The following MYO3B variants were observed in gnomAD, a reference collection of about 807,000 sequenced individuals.
MYO3B encodes myosin-IIIb.
A neutral mutation model predicts 174.6 loss-of-function variants in MYO3B; 156 were observed. That is an observed-to-expected ratio of 0.89 (90% CI 0.78 to 1.02). The LOEUF is 1.02. MYO3B is among the 50% of genes least tolerant of loss of function. The probability of loss-of-function intolerance (pLI) is 0.00; values close to 1 mark genes in which losing one functional copy is unlikely to be tolerated. For missense variants in MYO3B, 1,632 were observed against 1,639.4 expected (o/e 1.00, Z 0.08); for synonymous variants, 563 against 569.1 (o/e 0.99, Z 0.15).
chr2:170,197,983 C>CT (rs1421381315), intron 1 of MYO3B, among the ~76,000 whole-genome samples: 2 of 152,108 alleles, frequency 1.3e-5, no homozygotes, highest in African/African-American at 4.8e-5. Flanking sequence ...ATGTTTAGTG[C>CT]TCACTGCAAC....
At chr2:170,650,994 C>T (rs1319450156) in intron 32 of MYO3B, among the ~76,000 whole-genome samples, 3 of 151,618 alleles carry the variant, frequency 2.0e-5, no homozygotes, top group Non-Finnish European at 4.4e-5. Context: ...TTCTTAATCT[C>T]CAGGGCACTC....
At chr2:170,475,342 C>G (rs1387324721) in intron 25 of MYO3B, among the ~76,000 whole-genome samples, 1 of 152,180 alleles carries the variant, frequency 6.6e-6, no homozygotes, top group Non-Finnish European at 1.5e-5. Context: ...CTTTGAACTC[C>G]TGAGCTCAAG....
At chr2:170,459,191 C>G (rs77106683) in intron 23 of MYO3B, among the ~76,000 whole-genome samples, 1 of 152,186 alleles carries the variant, frequency 6.6e-6, no homozygotes, top group Non-Finnish European at 1.5e-5. Flanking sequence ...AAAGGGACCC[C>G]AGCGGGTTGC....
intron 25 of MYO3B, among the ~76,000 whole-genome samples, chr2:170,473,598 G>A (rs1685120936): frequency 6.6e-6 from 1 of 152,046 alleles, no homozygotes; most frequent in South Asian, 2.1e-4. Context: ...TAAGATTTCA[G>A]GTAAGTCATA....
intron 22 of MYO3B, among the ~76,000 whole-genome samples, chr2:170,422,227 G>A (rs949740944): frequency 2.6e-5 from 4 of 152,108 alleles, no homozygotes; most frequent in Admixed American, 6.5e-5. Flanking sequence ...TAAGGAAATG[G>A]GGTCTCACTC....
At position 170,637,651 on chromosome 2, in the gene MYO3B, G is replaced by A. The variant is rs375551778; in HGVS notation, c.3734-13977G>A. Among the ~76,000 whole-genome samples, 4 of 152,164 alleles carry A rather than the reference G, an allele frequency of 2.6e-5. No homozygotes were observed. In the South Asian group the frequency reaches 8.3e-4, roughly 32 times the overall value. On this transcript the variant is annotated intron_variant, in intron 32 of 34. Transcript: ENST00000408978. ...AACGGATTTTTACTAATCTCATATT[G>A]GATTGTAAAACAAGGCAAAGAAATT...
intron 32 of MYO3B, among the ~76,000 whole-genome samples, chr2:170,624,601 T>C (rs1188387998): frequency 6.6e-6 from 1 of 152,178 alleles, no homozygotes; most frequent in Admixed American, 6.5e-5. Context: ...TCCAACACTA[T>C]GTTGGATAGG....
chr2:170,613,526 T>G (rs2105300759), intron 32 of MYO3B, among the ~76,000 whole-genome samples: 1 of 152,346 alleles, frequency 6.6e-6, no homozygotes, highest in East Asian at 1.9e-4. Flanking sequence ...TCTCTAGTCC[T>G]AGCTGGGCCT....
At chr2:170,504,069 T>C (rs1228128824) in intron 28 of MYO3B, among the ~76,000 whole-genome samples, 1 of 152,172 alleles carries the variant, frequency 6.6e-6, no homozygotes, top group Non-Finnish European at 1.5e-5. Context: ...CCAAACATAA[T>C]CTCATTACAA....
intron 25 of MYO3B, among the ~76,000 whole-genome samples, chr2:170,471,141 C>T (rs191457889): frequency 1.4e-3 from 220 of 152,150 alleles, no homozygotes; most frequent in Non-Finnish European, 2.3e-3. Flanking sequence ...AACTCCGCCT[C>T]CCGGGTTCAA....
At chr2:170,403,129 C>T in intron 19 of MYO3B, 134 bp downstream of exon 19, 1 of 749,306 alleles carries the variant, frequency 1.3e-6, no homozygotes, top group East Asian at 2.9e-5. Context: ...GCAGTCCTGG[C>T]TAAATAGTCT....
intron 6 of MYO3B, among the ~76,000 whole-genome samples, chr2:170,233,326 G>T (rs942975397): frequency 3.9e-5 from 6 of 152,184 alleles, no homozygotes; most frequent in Non-Finnish European, 7.3e-5. Flanking sequence ...ATTGGGGAAG[G>T]ACAGAGTCTT....
intron 25 of MYO3B, among the ~76,000 whole-genome samples, chr2:170,480,820 T>G (rs1685644249): frequency 6.6e-6 from 1 of 152,228 alleles, no homozygotes; most frequent in Admixed American, 6.5e-5. Context: ...TTGATGATTG[T>G]TGTAGTGGTG....
At chr2:170,503,550 C>A (rs1000665258) in intron 28 of MYO3B, among the ~76,000 whole-genome samples, 1 of 150,358 alleles carries the variant, frequency 6.7e-6, no homozygotes, top group Non-Finnish European at 1.5e-5. Context: ...CTTGCAAGCA[C>A]CCAGCAGGAC....
chr2:170,618,731 T>A (rs28398426), intron 32 of MYO3B, among the ~76,000 whole-genome samples: 118,711 of 151,462 alleles, frequency 0.78, 46,660 homozygotes, highest in Admixed American at 0.82. Context: ...GGGTGGGGGT[T>A]GGTTAGTGAG....
intron 32 of MYO3B, among the ~76,000 whole-genome samples, chr2:170,597,653 G>A (rs907142498): frequency 1.3e-5 from 2 of 152,130 alleles, no homozygotes; most frequent in African/African-American, 4.8e-5. Context: ...GGAAAAAAAA[G>A]AAAAGATGGT....
At chr2:170,518,579 C>T (rs75440944) in intron 29 of MYO3B, among the ~76,000 whole-genome samples, 2,834 of 152,250 alleles carry the variant, frequency 0.019, 93 homozygotes, top group African/African-American at 0.065. Context: ...TTAAAATCTT[C>T]CTGGGTGTTT....
At chr2:170,303,636 T>TA (rs201795849) in intron 7 of MYO3B, among the ~76,000 whole-genome samples, 6 of 151,286 alleles carry the variant, frequency 4.0e-5, no homozygotes, top group South Asian at 2.1e-4. Context: ...TTCCTATTAT[T>TA]AAAAAAAAAC....
chr2:170,328,275 G>A (rs1031955963), intron 7 of MYO3B, among the ~76,000 whole-genome samples: 7 of 152,116 alleles, frequency 4.6e-5, no homozygotes, highest in African/African-American at 9.7e-5. Flanking sequence ...ACCCACCACT[G>A]GAACGAGGTA....
Sources: gnomAD v4.1 joint callset for allele counts (sites outside exome capture counted in the v4.1 genomes callset) on GRCh38, gnomAD v4.1.1 for gene constraint, MANE v1.5 for transcripts, NCBI Gene and HGNC (gene_info 2026-07-23, HGNC 2026-07-21) for gene names.